SLC35F1: variants seen among roughly 807,000 people sequenced by gnomAD.
SLC35F1 encodes the protein chromosome 6 open reading frame 169.
A neutral mutation model predicts 48.7 loss-of-function variants in SLC35F1; 14 were observed. The ratio of observed to expected loss-of-function variants is 0.29; its 90% CI spans 0.19 to 0.45. The LOEUF is 0.45. SLC35F1 is among the 20% of genes least tolerant of loss of function. The pLI, the probability that SLC35F1 is intolerant of heterozygous loss-of-function variation, is 1.00. For missense variants in SLC35F1, 404 were observed against 500.0 expected, an observed-to-expected ratio of 0.81 and a Z score of 1.83; for synonymous variants, 190 against 202.2, an observed-to-expected ratio of 0.94 and a Z score of 0.51.
At chr6:117,917,461 C>T (rs1424978063) in intron 1 of SLC35F1, among the ~76,000 whole-genome samples, 3 of 151,588 alleles carry the variant, frequency 2.0e-5, no homozygotes, top group African/African-American at 7.3e-5. Flanking sequence ...CCTGTAGCAA[C>T]AGAAGTGGAG....
intron 1 of SLC35F1, among the ~76,000 whole-genome samples, chr6:117,979,237 A>C (rs773908904): frequency 7.9e-5 from 12 of 152,214 alleles, no homozygotes; most frequent in Non-Finnish European, 1.5e-4. Context: ...GCTTCAGTTA[A>C]TTATAATTCC....
At chr6:118,140,306 G>A (rs752521137) in intron 1 of SLC35F1, among the ~76,000 whole-genome samples, 18 of 152,124 alleles carry the variant, frequency 1.2e-4, no homozygotes, top group Admixed American at 2.0e-4. Context: ...AATGATGGAC[G>A]GCACATATAA....
chr6:118,209,211 C>T (rs370007585), intron 2 of SLC35F1, among the ~76,000 whole-genome samples: 1 of 152,184 alleles, frequency 6.6e-6, no homozygotes. Context: ...AACAGTTTTC[C>T]CTGAGTCTTT....
intron 2 of SLC35F1, among the ~76,000 whole-genome samples, chr6:118,229,302 G>C (rs1033828448): frequency 6.6e-6 from 1 of 152,152 alleles, no homozygotes; most frequent in African/African-American, 2.4e-5. Context: ...CATAGACTTA[G>C]ATCAGGCAAG....
intron 1 of SLC35F1, among the ~76,000 whole-genome samples, chr6:118,051,655 GA>G (rs925721926): frequency 2.0e-5 from 3 of 152,074 alleles, no homozygotes; most frequent in Non-Finnish European, 4.4e-5. Context: ...GAACATATGT[GA>G]AAAAAATGGA....
chr6:117,913,692 GC>G (rs1775790782), intron 1 of SLC35F1, among the ~76,000 whole-genome samples: 1 of 152,020 alleles, frequency 6.6e-6, no homozygotes, highest in African/African-American at 2.4e-5. Flanking sequence ...AATGTTAGTG[GC>G]AACTCAGTTA....
chr6:118,286,231 A>T (rs1012871521), intron 7 of SLC35F1, among the ~76,000 whole-genome samples: 1 of 152,012 alleles, frequency 6.6e-6, no homozygotes, highest in Admixed American at 6.6e-5. Context: ...AAGAGACACT[A>T]CTCTGGCCAC....
intron 2 of SLC35F1, among the ~76,000 whole-genome samples, chr6:118,197,195 A>T (rs969582720): frequency 1.3e-5 from 2 of 152,010 alleles, no homozygotes; most frequent in African/African-American, 4.8e-5. Context: ...TGATTTCCTC[A>T]TTCTTTTTTC....
intron 4 of SLC35F1, among the ~76,000 whole-genome samples, chr6:118,272,551 ATATGT>A (rs1775865605): frequency 6.6e-6 from 1 of 152,032 alleles, no homozygotes; most frequent in Non-Finnish European, 1.5e-5. Context: ...TATTAATGCA[ATATGT>A]TATAATTTCC....
intron 1 of SLC35F1, among the ~76,000 whole-genome samples, chr6:118,084,122 A>G (rs1772950796): frequency 6.6e-6 from 1 of 152,212 alleles, no homozygotes; most frequent in African/African-American, 2.4e-5. Context: ...CACATGGCTA[A>G]TAAGTCCTTG....
chr6:117,919,136 T>G (rs965036598), intron 1 of SLC35F1, among the ~76,000 whole-genome samples: 1 of 152,158 alleles, frequency 6.6e-6, no homozygotes, highest in East Asian at 1.9e-4. Context: ...GTTCACGTGA[T>G]GTTCCCACCT....
intron 1 of SLC35F1, among the ~76,000 whole-genome samples, chr6:117,967,743 G>T (rs772902974): frequency 6.6e-6 from 1 of 152,142 alleles, no homozygotes; most frequent in Non-Finnish European, 1.5e-5. Context: ...TAATTATTCT[G>T]CTCCTTGGTA....
At chr6:118,228,655 C>G (rs1775249993) in intron 2 of SLC35F1, among the ~76,000 whole-genome samples, 2 of 152,148 alleles carry the variant, frequency 1.3e-5, no homozygotes, top group South Asian at 2.1e-4. Flanking sequence ...GATCACACCA[C>G]TGCACTCCAG....
chr6:118,058,540 G>C (rs1772493590), intron 1 of SLC35F1, among the ~76,000 whole-genome samples: 1 of 152,054 alleles, frequency 6.6e-6, no homozygotes, highest in Non-Finnish European at 1.5e-5. Context: ...AGTTAGAAGT[G>C]CTTAGAGAAT....
chr6:118,285,027 G>A (rs1282686499), intron 6 of SLC35F1, among the ~76,000 whole-genome samples, 157 bp from the exon 7 acceptor site: 2 of 151,944 alleles, frequency 1.3e-5, no homozygotes, highest in East Asian at 1.9e-4. Context: ...TTTTTGTACT[G>A]TGTTATCCAA....
intron 1 of SLC35F1, among the ~76,000 whole-genome samples, chr6:117,993,028 C>T (rs906204641): frequency 6.6e-6 from 1 of 152,170 alleles, no homozygotes; most frequent in Non-Finnish European, 1.5e-5. Context: ...AGCCACAGAC[C>T]CCGTTTATCA....
chr6:118,190,433 A>C (rs1214961612), intron 2 of SLC35F1, among the ~76,000 whole-genome samples: 1 of 151,424 alleles, frequency 6.6e-6, no homozygotes, highest in African/African-American at 2.4e-5. Context: ...GACTGCCATA[A>C]TTTTGCTTAA....
At chr6:118,193,049 G>T (rs1582722056) in intron 2 of SLC35F1, among the ~76,000 whole-genome samples, 1 of 152,220 alleles carries the variant, frequency 6.6e-6, no homozygotes, top group East Asian at 1.9e-4. Flanking sequence ...CAAAAAATTT[G>T]TCTTTTATCT....
chr6:118,167,171 C>T (rs114590697), intron 2 of SLC35F1, among the ~76,000 whole-genome samples: 2 of 152,104 alleles, frequency 1.3e-5, no homozygotes, highest in African/African-American at 2.4e-5. Context: ...TCTCCTACCC[C>T]CTCCAAGTTC....
Sources: allele counts gnomAD v4.1 joint callset (sites outside exome capture counted in the v4.1 genomes callset), GRCh38; gene constraint gnomAD v4.1.1; transcripts MANE v1.5; gene names NCBI Gene and HGNC (gene_info 2026-07-23, HGNC 2026-07-21).